Variants in SPIDR observed in about 807,000 individuals in gnomAD.
The protein encoded by SPIDR is DNA repair-scaffolding protein.
In SPIDR, 93 loss-of-function variants were observed where a neutral mutation model predicts 104.6. That is an observed-to-expected ratio of 0.89 (90% CI 0.75 to 1.06). The LOEUF (loss-of-function observed/expected upper bound fraction) is 1.06. SPIDR is among the 50% of genes least tolerant of loss of function. The pLI, the probability that SPIDR is intolerant of heterozygous loss-of-function variation, is 0.00. For missense variants in SPIDR, 1,154 were observed against 1,111.2 expected (o/e 1.04, Z -0.55); for synonymous variants, 431 against 416.9 (o/e 1.03, Z -0.41).
At chr8:47,398,096 C>A (rs147529761) in intron 6 of SPIDR, among the ~76,000 whole-genome samples, 111 of 152,018 alleles carry the variant, frequency 7.3e-4, no homozygotes, top group African/African-American at 2.6e-3. Flanking sequence ...GAAGTTGTGG[C>A]CTCAAAAAAA....
intron 8 of SPIDR, among the ~76,000 whole-genome samples, chr8:47,526,609 C>T (rs1186094178): frequency 1.3e-5 from 2 of 152,142 alleles, no homozygotes; most frequent in East Asian, 3.9e-4. Flanking sequence ...GAAATGAAAC[C>T]GTTCAGGAGA....
At chr8:47,604,805 A>G (rs1485640839) in intron 10 of SPIDR, among the ~76,000 whole-genome samples, 2 of 152,220 alleles carry the variant, frequency 1.3e-5, no homozygotes, top group African/African-American at 4.8e-5. Context: ...TGAGATTCCT[A>G]TGAGACATCG....
intron 5 of SPIDR, among the ~76,000 whole-genome samples, chr8:47,302,609 A>G (rs1279419653): frequency 6.6e-6 from 1 of 152,146 alleles, no homozygotes; most frequent in African/African-American, 2.4e-5. Flanking sequence ...ATGGTGACGT[A>G]CAGATGGGGT....
intron 11 of SPIDR, among the ~76,000 whole-genome samples, chr8:47,685,680 G>A (rs1481338389): frequency 6.6e-6 from 1 of 151,102 alleles, no homozygotes; most frequent in Non-Finnish European, 1.5e-5. Context: ...TCAACCTCCC[G>A]AATAGCTGGG....
chr8:47,556,017 A>G (rs2091283039), intron 8 of SPIDR, among the ~76,000 whole-genome samples: 2 of 152,214 alleles, frequency 1.3e-5, no homozygotes, highest in African/African-American at 4.8e-5. Flanking sequence ...AGGTATGTTA[A>G]TGAGTTTTTA....
At chr8:47,408,456 G>A (rs2063055098) in intron 7 of SPIDR, among the ~76,000 whole-genome samples, 1 of 152,124 alleles carries the variant, frequency 6.6e-6, no homozygotes, top group Non-Finnish European at 1.5e-5. Context: ...ATACAATACA[G>A]TATGTTAACT....
chr8:47,574,849 A>G (rs1185232595), intron 8 of SPIDR, among the ~76,000 whole-genome samples: 1 of 152,146 alleles, frequency 6.6e-6, no homozygotes, highest in Non-Finnish European at 1.5e-5. Flanking sequence ...GGTGACCATT[A>G]CTAGAATTCC....
chr8:47,294,756 G>C lies in SPIDR; in HGVS notation c.525+726G>C, dbSNP rs1028684259. Among the ~76,000 whole-genome samples the C allele has an allele frequency of 2.0e-5, 3 of 152,256 alleles. No individual in the cohort carries two copies. In the East Asian group the frequency reaches 5.8e-4, roughly 29 times the overall value. Reference sequence around the variant, plus strand: ...AGTGATCCTCTCACCTCAGCCTCCAGAGTAGCTGGTCCTACAGGCATGTGC... The same window carrying C: ...AGTGATCCTCTCACCTCAGCCTCCACAGTAGCTGGTCCTACAGGCATGTGC... On this transcript the variant is annotated intron_variant, in intron 5 of 19. Coordinates refer to ENST00000297423, the MANE Select transcript of SPIDR (RefSeq NM_001080394.4).
chr8:47,297,583 A>G (rs2041114204), intron 5 of SPIDR, among the ~76,000 whole-genome samples: 1 of 152,032 alleles, frequency 6.6e-6, no homozygotes, highest in Non-Finnish European at 1.5e-5. Flanking sequence ...CATCAGGTAT[A>G]TCTCCTAATG....
chr8:47,434,729 G>A (rs527535374), intron 7 of SPIDR, among the ~76,000 whole-genome samples: 1 of 150,572 alleles, frequency 6.6e-6, no homozygotes, highest in Admixed American at 6.6e-5. Context: ...ACGGAGAATA[G>A]TTTCAGTATC....
At chr8:47,501,075 G>A (rs190733466) in intron 8 of SPIDR, among the ~76,000 whole-genome samples, 49 of 152,294 alleles carry the variant, frequency 3.2e-4, no homozygotes, top group Non-Finnish European at 1.3e-4. Flanking sequence ...GTCAGGTAGC[G>A]TGATGCTTCC....
chr8:47,712,502 A>G (rs1365441914), intron 14 of SPIDR, among the ~76,000 whole-genome samples, 160 bp from the exon 15 acceptor site: 1 of 152,258 alleles, frequency 6.6e-6, no homozygotes. Context: ...CCCAGGGCAC[A>G]TGGGGCTAGT....
At chr8:47,264,648 G>C (rs1295763075) in intron 1 of SPIDR, among the ~76,000 whole-genome samples, 1 of 140,784 alleles carries the variant, frequency 7.1e-6, no homozygotes, top group African/African-American at 2.6e-5. Flanking sequence ...TTTTTTTTTT[G>C]AGATGGAGTC....
At chr8:47,648,108 A>G (rs1050841631) in intron 10 of SPIDR, among the ~76,000 whole-genome samples, 1 of 152,232 alleles carries the variant, frequency 6.6e-6, no homozygotes, top group African/African-American at 2.4e-5. Context: ...CTGTGTGAGA[A>G]GCAAGAGAGT....
At chr8:47,297,541 C>T (rs1413928245) in intron 5 of SPIDR, among the ~76,000 whole-genome samples, 12 of 151,960 alleles carry the variant, frequency 7.9e-5, no homozygotes, top group African/African-American at 1.7e-4. Flanking sequence ...TGTGCCATGT[C>T]GGTGTGCTGC....
chr8:47,284,117 G>T, intron 3 of SPIDR, 23 bp downstream of exon 3: 3 of 1,570,872 alleles, frequency 1.9e-6, no homozygotes, highest in Non-Finnish European at 2.6e-6. Context: ...TTGATTTCTT[G>T]ACAGAGAAGA....
chr8:47,331,394 A>G (rs1411621283), intron 5 of SPIDR, among the ~76,000 whole-genome samples: 1 of 152,222 alleles, frequency 6.6e-6, no homozygotes, highest in Admixed American at 6.5e-5. Flanking sequence ...GGTTAAGCCT[A>G]TATCTAGGCT....
chr8:47,497,660 A>G (rs2079650604), intron 8 of SPIDR, among the ~76,000 whole-genome samples: 1 of 152,172 alleles, frequency 6.6e-6, no homozygotes, highest in Admixed American at 6.5e-5. Flanking sequence ...GCTTTTTACA[A>G]CTTTTCATTT....
chr8:47,425,079 T>G (rs917844829), intron 7 of SPIDR, among the ~76,000 whole-genome samples: 3 of 152,178 alleles, frequency 2.0e-5, no homozygotes, highest in Middle Eastern at 3.2e-3. Flanking sequence ...TTATAGAGGG[T>G]AAGCAACCAA....
Sources: gnomAD v4.1 joint callset for allele counts (sites outside exome capture counted in the v4.1 genomes callset) on GRCh38, gnomAD v4.1.1 for gene constraint, MANE v1.5 for transcripts, NCBI Gene and HGNC (gene_info 2026-07-23, HGNC 2026-07-21) for gene names.